Variants in AGO3 observed in about 807,000 individuals in gnomAD.
AGO3 encodes the protein argonaute RISC catalytic component 3, also known as protein argonaute-3.
Under a neutral mutation model 105.5 loss-of-function variants are expected in AGO3, and 16 were observed. The observed-to-expected ratio is 0.15, with a 90% CI of 0.10 to 0.23. The LOEUF (loss-of-function observed/expected upper bound fraction) is 0.23, where lower values mean the gene tolerates loss of function less well. Ranked by LOEUF, AGO3 falls within the 10% of genes least tolerant of loss-of-function variation. The probability of loss-of-function intolerance (pLI) is 1.00; values close to 1 mark genes in which losing one functional copy is unlikely to be tolerated. For synonymous variants in AGO3, 340 were observed against 367.3 expected, an observed-to-expected ratio of 0.93 and a Z score of 0.85; for missense variants, 534 against 1,088.0, an observed-to-expected ratio of 0.49 and a Z score of 7.16.
At chr1:36,011,133 T>C (rs1640593280) in intron 9 of AGO3, among the ~76,000 whole-genome samples, 1 of 152,144 alleles carries the variant, frequency 6.6e-6, no homozygotes, top group African/African-American at 2.4e-5. Flanking sequence ...CTTATCTGGC[T>C]CTGTTCTCGA....
chr1:35,959,441 A>C (rs993663512), intron 2 of AGO3, among the ~76,000 whole-genome samples: 1 of 152,224 alleles, frequency 6.6e-6, no homozygotes. Flanking sequence ...TTTTCTTCTC[A>C]GACTAAGGTT....
rs1480502689 is a variant in AGO3, at chr1:36,062,359, T to TA, written c.*6617dup. The TA allele has an allele frequency of 5.9e-5, 9 of 152,082 alleles. No individual in the cohort carries two copies. The highest frequency in any genetic ancestry group is 1.2e-4 in the Non-Finnish European group (8 of 68,006). 9.4% of individuals were successfully genotyped at this position (152,082 alleles called of 1,614,324 possible). Reference sequence around the variant, plus strand: ...AGTCATTATTAAGGAGGACTGCTCATAAAGGCAGTACCAAATCATCATTCA... The same window carrying TA: ...AGTCATTATTAAGGAGGACTGCTCATAAAAGGCAGTACCAAATCATCATTCA... On this transcript the variant is annotated 3_prime_UTR_variant, in exon 19 of 19. Transcript: ENST00000373191.
chr1:35,989,935 G>A (rs1233627495), intron 5 of AGO3, among the ~76,000 whole-genome samples: 2 of 151,968 alleles, frequency 1.3e-5, no homozygotes, highest in Non-Finnish European at 2.9e-5. Flanking sequence ...TCTCCCTTAA[G>A]ATGTTATTTA....
upstream of AGO3, chr1:35,931,007 T>G (rs1349371768): frequency 8.4e-6 from 3 of 355,856 alleles, no homozygotes; most frequent in African/African-American, 2.1e-5. Flanking sequence ...TGCCCCGACG[T>G]CGCTCCGGCA....
At chr1:35,949,496 T>C (rs982788923) in intron 2 of AGO3, among the ~76,000 whole-genome samples, 13 of 152,316 alleles carry the variant, frequency 8.5e-5, no homozygotes, top group Admixed American at 3.3e-4. Context: ...TTCTAGGCGT[T>C]AGAAGGAACT....
chr1:36,048,289 TTCAATCAA>T (rs139653844), intron 17 of AGO3, among the ~76,000 whole-genome samples: 2 of 151,918 alleles, frequency 1.3e-5, no homozygotes, highest in Non-Finnish European at 2.9e-5. Context: ...GTCTCAATCA[TTCAATCAA>T]TCAATCAATC....
At chr1:35,995,234 A>G (rs561469558) in intron 5 of AGO3, among the ~76,000 whole-genome samples, 1 of 145,952 alleles carries the variant, frequency 6.9e-6, no homozygotes, top group South Asian at 2.1e-4. Flanking sequence ...ATATATATAT[A>G]TATTATATAA....
At chr1:36,005,827 G>A in intron 6 of AGO3, 1 of 985,098 alleles carries the variant, frequency 1.0e-6, no homozygotes, top group Non-Finnish European at 1.2e-6. Context: ...AAAATGACTA[G>A]AAAGCATAAT....
At position 36,027,403 on chromosome 1, in the gene AGO3, ATACAG is replaced by A; in HGVS notation, c.1591+108_1591+112del. ...TTCAAATATTAAAATATATTTTATGATACAGTATTTAAAACCATGTATTATTACTT... is the reference window on the plus strand; with the variant it reads ...TTCAAATATTAAAATATATTTTATGATATTTAAAACCATGTATTATTACTT... On this transcript the variant is annotated intron_variant, in intron 12 of 18. Transcript: ENST00000373191. The surrounding 1 kb of genome is among the most constrained non-coding windows in gnomAD (Gnocchi z 4.0). 1.8e-6 allele frequency: 2 copies of A among 1,109,558 alleles called. No individual in the cohort carries two copies. The highest frequency in any genetic ancestry group is 2.5e-6 in the Non-Finnish European group (2 of 808,776). The allele number at this position is 1,109,558 out of a possible 1,614,324, so 68.7% of individuals were successfully genotyped here. A position where few individuals can be genotyped will look rare whatever the true frequency, so the allele number is the denominator to read the frequency against.
At chr1:36,006,442 A>G (rs1640337893) in intron 6 of AGO3, among the ~76,000 whole-genome samples, 1 of 152,070 alleles carries the variant, frequency 6.6e-6, no homozygotes, top group South Asian at 2.1e-4. Context: ...GTGCCAACTT[A>G]TTTTTAGTAA....
At chr1:36,035,614 T>C (rs971944906) in intron 13 of AGO3, among the ~76,000 whole-genome samples, 3 of 152,084 alleles carry the variant, frequency 2.0e-5, no homozygotes, top group Middle Eastern at 3.2e-3. Flanking sequence ...GTGATAAAAA[T>C]TTGTGGATCA....
intron 2 of AGO3, among the ~76,000 whole-genome samples, chr1:35,956,932 A>G (rs983268399): frequency 3.9e-5 from 6 of 151,986 alleles, no homozygotes; most frequent in Admixed American, 2.0e-4. Context: ...TACAGGCATG[A>G]GCCACTGCAC....
intron 5 of AGO3, among the ~76,000 whole-genome samples, chr1:36,003,366 A>G (rs1326469190): frequency 6.6e-6 from 1 of 152,104 alleles, no homozygotes; most frequent in Non-Finnish European, 1.5e-5. Context: ...AAAACCACCC[A>G]CTGCTCAATA....
At chr1:35,992,857 C>A (rs1569659822) in intron 5 of AGO3, among the ~76,000 whole-genome samples, 1 of 152,320 alleles carries the variant, frequency 6.6e-6, no homozygotes, top group East Asian at 1.9e-4. Context: ...AGGCTGCATT[C>A]ATCTCAAGTC....
At chr1:35,948,555 T>A (rs1470261657) in intron 2 of AGO3, among the ~76,000 whole-genome samples, 1 of 151,920 alleles carries the variant, frequency 6.6e-6, no homozygotes, top group Non-Finnish European at 1.5e-5. Flanking sequence ...TTATTAGATT[T>A]ATTCTTTCTC....
Position 36,055,083 on chromosome 1 carries a change from G to A in AGO3, c.2412G>A (p.Ala804=), listed in dbSNP as rs1409875651. Residue 804 remains alanine (A), a synonymous_variant, in exon 18 of 19, where the codon GCG becomes GCA. Transcript: ENST00000373191. This position sits in a 1 kb window ranked among gnomAD's most constrained non-coding sequence, Gnocchi z 4.4. ...GATCTGTTTCTATACCTGCACCAGC[G>A]TATTATGCTCACCTGGTAGCATTTA... ...CTRSVSIPAP[A]YYAHLVAFRA... 8.1e-6 allele frequency: 13 copies of A among 1,613,764 alleles called. No individual in the cohort carries two copies. Among genetic ancestry groups the A allele is most frequent in the South Asian group, 4.4e-5 (4 of 91,044 alleles).
chr1:35,972,625 G>C (rs992067904), intron 4 of AGO3, among the ~76,000 whole-genome samples: 5 of 151,920 alleles, frequency 3.3e-5, no homozygotes, highest in African/African-American at 4.8e-5. Context: ...GACCTCACAT[G>C]TGTAGGGTAT....
At chr1:35,998,910 T>C (rs1231113526) in intron 5 of AGO3, among the ~76,000 whole-genome samples, 1 of 152,238 alleles carries the variant, frequency 6.6e-6, no homozygotes, top group Non-Finnish European at 1.5e-5. Context: ...TTAGTTTTCC[T>C]TTTCATATTT....
At chr1:36,041,066 C>T (rs1362183800) in intron 16 of AGO3, among the ~76,000 whole-genome samples, 1 of 135,878 alleles carries the variant, frequency 7.4e-6, no homozygotes, top group East Asian at 2.1e-4. Flanking sequence ...GAGCAAAACT[C>T]CATCTCAAAA....
Sources: allele counts gnomAD v4.1 joint callset (sites outside exome capture counted in the v4.1 genomes callset), GRCh38; gene constraint gnomAD v4.1.1; non-coding constraint Gnocchi (gnomAD v3.1); transcripts MANE v1.5; gene names NCBI Gene and HGNC (gene_info 2026-07-23, HGNC 2026-07-21).